The following ACAP1 variants were observed in gnomAD, a reference collection of about 807,000 sequenced individuals.
The protein encoded by ACAP1 is arf-GAP with coiled-coil, ANK repeat and PH domain-containing protein 1.
Under a neutral mutation model 98.8 loss-of-function variants are expected in ACAP1, and 45 were observed. That is an observed-to-expected ratio of 0.46 (90% CI 0.36 to 0.58). ACAP1 has a LOEUF of 0.58. Ranked by LOEUF, ACAP1 falls within the 20% of genes least tolerant of loss-of-function variation. ACAP1 has a pLI of 0.00. For synonymous variants in ACAP1, 362 were observed against 375.3 expected, an observed-to-expected ratio of 0.96 and a Z score of 0.41; for missense variants, 735 against 971.4, an observed-to-expected ratio of 0.76 and a Z score of 3.24.
At chr17:7,345,145 T>G (rs1223607946) in intron 10 of ACAP1, among the ~76,000 whole-genome samples, 1 of 151,676 alleles carries the variant, frequency 6.6e-6, no homozygotes, top group Non-Finnish European at 1.5e-5. Context: ...TTTGTAGGGA[T>G]TTGGGGTCTA....
chr17:7,350,751 CA>C lies in ACAP1; in HGVS notation c.2073-198del. On this transcript the variant is annotated intron_variant, in intron 20 of 21. Coordinates refer to ENST00000158762, the MANE Select transcript of ACAP1 (RefSeq NM_014716.4). This position sits in a 1 kb window ranked among gnomAD's most constrained non-coding sequence, Gnocchi z 4.6. ...AGCCTCCCCTGAGTAGCTGGGACTA[CA>C]GGCGTGCGCCACCACCCCCGGCTAA... The C allele has an allele frequency of 1.9e-6, 1 of 539,626 alleles. No homozygotes were observed. Among genetic ancestry groups the C allele is most frequent in the South Asian group, 2.0e-5 (1 of 50,812 alleles). 33.4% of individuals were successfully genotyped at this position (539,626 alleles called of 1,614,324 possible).
intron 21 of ACAP1, 74 bp downstream of exon 21, chr17:7,351,073 T>G: frequency 4.2e-6 from 6 of 1,418,578 alleles, no homozygotes; most frequent in Non-Finnish European, 6.0e-6. Flanking sequence ...GTGACCTCTC[T>G]CCCTAGTGCC....
chr17:7,344,228 G>A lies in ACAP1; in HGVS notation c.744+105G>A, dbSNP rs1432615086. On this transcript the variant is annotated intron_variant, in intron 9 of 21. Transcript: ENST00000158762. This position sits in a 1 kb window ranked among gnomAD's most constrained non-coding sequence, Gnocchi z 4.9. ...GGAGTTCAAGATTAGCCTAGGCATC[G>A]TAGTGAAACTCCATCTCTACAGAAA... 1.7e-5 allele frequency: 22 copies of A among 1,262,924 alleles called. No individual in the cohort carries two copies. The highest frequency in any genetic ancestry group is 1.0e-4 in the East Asian group (4 of 39,390). The allele number at this position is 1,262,924 out of a possible 1,614,324, so 78.2% of individuals were successfully genotyped here.
Position 7,342,044 on chromosome 17 carries a change from G to C in ACAP1, c.208G>C (p.Gly70Arg). Residue 70 changes from glycine (G) to arginine (R), a missense_variant, in exon 3 of 22, where the codon GGT (glycine) becomes CGT (arginine). Around this residue, in one of 5 missense-constraint regions of ACAP1, gnomAD observed 430 missense variants for 531.8 expected, o/e 0.81. Coordinates refer to ENST00000158762, the MANE Select transcript of ACAP1 (RefSeq NM_014716.4). Reference sequence around the variant, plus strand: ...CGGCATTTGTGACCTGGCCCGCCTGGGTCCACCAGAGCCCATGATGGCGGT... The same window carrying C: ...CGGCATTTGTGACCTGGCCCGCCTGCGTCCACCAGAGCCCATGATGGCGGT... ...VVGICDLARL[G>R]PPEPMMAECL... The C allele has an allele frequency of 6.2e-7, 1 of 1,614,120 alleles. No homozygotes were observed. Among genetic ancestry groups the C allele is most frequent in the Non-Finnish European group, 8.5e-7 (1 of 1,180,022 alleles).
At chr17:7,345,541 T>G (rs1169454812) in intron 10 of ACAP1, 1 of 152,208 alleles carries the variant, frequency 6.6e-6, no homozygotes, top group Non-Finnish European at 1.5e-5. Flanking sequence ...CCAGGCTGGT[T>G]GCAAACTCCT....
rs1036301487 is a variant in ACAP1 at position 7,343,867 on chromosome 17, C to G, written c.580C>G (p.Arg194Gly). ...TGCCCGCCTTGTCCCCCAGGTGCTG[C>G]GTTTGGTGGAGGCCCAGGCTACCCA... ...RKFDIMEFVLRLVEAQATHFQ... is the reference protein window; with the variant it reads ...RKFDIMEFVLGLVEAQATHFQ... Residue 194 changes from arginine to glycine, a missense_variant, in exon 8 of 22, where the codon CGT becomes GGT. By Grantham distance (125) the Arg-to-Gly change is moderately radical. This residue lies in a region of ACAP1 where 430 missense variants were observed against 531.8 expected (regional missense o/e 0.81). Coordinates refer to ENST00000158762, the MANE Select transcript of ACAP1 (RefSeq NM_014716.4). This position sits in a 1 kb window ranked among gnomAD's most constrained non-coding sequence, Gnocchi z 4.9. 1 of 1,613,708 alleles carries G rather than the reference C, an allele frequency of 6.2e-7. No homozygotes were observed. Among genetic ancestry groups the G allele is most frequent in the African/African-American group, 1.3e-5 (1 of 74,854 alleles).
rs2143018625 is a variant in ACAP1 at position 7,350,312 on chromosome 17, G to A, written c.2072+75G>A. ...CGCCCACCCACGTTCGGGCGGGCGGGCGGGGCTGACGCCGAAACAGAAGCC... is the reference window on the plus strand; with the variant it reads ...CGCCCACCCACGTTCGGGCGGGCGGACGGGGCTGACGCCGAAACAGAAGCC... On this transcript the variant is annotated intron_variant, in intron 20 of 21. Coordinates refer to ENST00000158762, the MANE Select transcript of ACAP1 (RefSeq NM_014716.4). This position sits in a 1 kb window ranked among gnomAD's most constrained non-coding sequence, Gnocchi z 4.6. 1 of 1,233,920 alleles carries A rather than the reference G, an allele frequency of 8.1e-7. No homozygotes were observed. Among genetic ancestry groups the A allele is most frequent in the Non-Finnish European group, 1.1e-6 (1 of 872,862 alleles). The allele number at this position is 1,233,920 out of a possible 1,614,324, so 76.4% of individuals were successfully genotyped here.
Position 7,342,442 on chromosome 17 carries a change from A to G in ACAP1, c.312A>G (p.Thr104=). The G allele has an allele frequency of 6.2e-7, 1 of 1,614,114 alleles. No homozygotes were observed. The stretch of plus-strand genomic sequence containing the variant: ...AGCTTCTAGATGCCACCCAACACAC[A>G]CTGCAGCAGCAGATCCAGACCCTGG... ...HAELLDATQH[T]LQQQIQTLVK... is the part of the protein sequence containing the mutation. The change falls in exon 5 of 22, where the codon ACA becomes ACG. Residue 104 remains threonine (T), a synonymous_variant. Coordinates refer to ENST00000158762, the MANE Select transcript of ACAP1 (RefSeq NM_014716.4).
At chr17:7,339,268 C>T (rs1356748234) in intron 2 of ACAP1, among the ~76,000 whole-genome samples, 1 of 148,602 alleles carries the variant, frequency 6.7e-6, no homozygotes, top group African/African-American at 2.5e-5. Flanking sequence ...CCAGCCTGGG[C>T]GACAGAGTGA....
chr17:7,342,504 G>A (rs1344429613), intron 5 of ACAP1, 30 bp downstream of exon 5: 1 of 1,611,636 alleles, frequency 6.2e-7, no homozygotes, highest in South Asian at 1.1e-5. Flanking sequence ...AGTGGCTCAT[G>A]CCTGTAATCC....
chr17:7,347,699 A>G lies in ACAP1; in HGVS notation c.1344-223A>G, dbSNP rs1266002059. The G allele has an allele frequency of 1.2e-5, 7 of 593,332 alleles. No individual in the cohort carries two copies. In the Admixed American group the frequency reaches 1.8e-4, roughly 15 times the overall value. 36.8% of individuals were successfully genotyped at this position (593,332 alleles called of 1,614,324 possible). A position where few individuals can be genotyped will look rare whatever the true frequency, so the allele number is the denominator to read the frequency against. On this transcript the variant is annotated intron_variant, in intron 14 of 21. Coordinates refer to ENST00000158762, the MANE Select transcript of ACAP1 (RefSeq NM_014716.4). ...TGGCTGGAGTGATGAGGGCCTTGAA[A>G]TGAAACCTAAGGAAGAAGGAATGGT...
intron 12 of ACAP1, 56 bp from the exon 13 acceptor site, chr17:7,346,752 C>T: frequency 1.9e-6 from 3 of 1,562,758 alleles, no homozygotes; most frequent in Non-Finnish European, 2.6e-6. Flanking sequence ...CCCATGCTGC[C>T]ACTTTGCTTC....
intron 2 of ACAP1, among the ~76,000 whole-genome samples, chr17:7,340,134 T>C (rs1477354945): frequency 6.6e-6 from 1 of 152,018 alleles, no homozygotes; most frequent in Non-Finnish European, 1.5e-5. Flanking sequence ...TAGCCAGGCA[T>C]GGTGGTGTGT....
At chr17:7,348,526 G>T in intron 17 of ACAP1, 51 bp downstream of exon 17, 2 of 1,438,156 alleles carry the variant, frequency 1.4e-6, no homozygotes, top group Non-Finnish European at 9.1e-7. Flanking sequence ...GCTCGGCATC[G>T]TGCCAGGTAG....
chr17:7,349,490 C>T (rs562050483), intron 18 of ACAP1: 126 of 278,892 alleles, frequency 4.5e-4, no homozygotes, highest in Non-Finnish European at 7.8e-4. Context: ...ATTCTCCTGC[C>T]TCAGCTGCCT....
Position 7,351,418 on chromosome 17 carries a change from C to A in ACAP1, c.*23C>A, listed in dbSNP as rs1157220952. 1 of 1,561,796 alleles carries A rather than the reference C, an allele frequency of 6.4e-7. No homozygotes were observed. The highest frequency in any genetic ancestry group is 1.1e-5 in the South Asian group (1 of 88,702). ...TGACCCGAGGCCCACGGGGCCCGCG[C>A]CTGCCTCCCTTCCCCGCCACCGGGC... On this transcript the variant is annotated 3_prime_UTR_variant, in exon 22 of 22. Transcript: ENST00000158762.
Position 7,350,438 on chromosome 17 carries a change from G to A in ACAP1, c.2072+201G>A. The A allele has an allele frequency of 3.4e-6, 2 of 588,824 alleles. No homozygotes were observed. Among genetic ancestry groups the A allele is most frequent in the South Asian group, 2.0e-5 (1 of 49,818 alleles). The allele number at this position is 588,824 out of a possible 1,614,324, so 36.5% of individuals were successfully genotyped here. On this transcript the variant is annotated intron_variant, in intron 20 of 21. Coordinates refer to ENST00000158762, the MANE Select transcript of ACAP1 (RefSeq NM_014716.4). The surrounding 1 kb of genome is among the most constrained non-coding windows in gnomAD (Gnocchi z 4.6). ...TGGGACGTGGAGTAGAAGGCAGGCG[G>A]GAGGGCGGGCAGGGTGCAAGGATGC... is the stretch of plus-strand genomic sequence containing the variant.
chr17:7,348,445 C>T lies in ACAP1; in HGVS notation c.1648C>T (p.Pro550Ser), dbSNP rs760063972. The T allele has an allele frequency of 2.5e-5, 37 of 1,491,964 alleles. No individual in the cohort carries two copies. The Middle Eastern group carries it at 9.0e-4, about 36-fold the overall frequency. The allele number at this position is 1,491,964 out of a possible 1,614,324, so 92.4% of individuals were successfully genotyped here. ...PPVPPKPSIR[P>S]RPGSLRSKPE... ...TGTGCCCCCAAAGCCTTCCATCAGG[C>T]CCCGGCCAGGGAGCTTGAGATCCAA... The change falls in exon 17 of 22, where the codon CCC becomes TCC. Residue 550 changes from proline to serine, a missense_variant. Physicochemically the swap from Pro to Ser is moderately conservative, Grantham distance 74 (BLOSUM62 -1). This residue lies in a region of ACAP1 where 80 missense variants were observed against 64.4 expected (regional missense o/e 1.24). Coordinates refer to ENST00000158762, the MANE Select transcript of ACAP1 (RefSeq NM_014716.4).
At position 7,343,681 on chromosome 17, in the gene ACAP1, T is replaced by A. The variant is rs1329061485; in HGVS notation, c.529-25T>A. ...TGTCTTCAAGACTGATCTGGGGTTT[T>A]TTACGTCCTCTTTTACGTCCTCAGA... On this transcript the variant is annotated intron_variant, in intron 6 of 21. Coordinates refer to ENST00000158762, the MANE Select transcript of ACAP1 (RefSeq NM_014716.4). The surrounding 1 kb of genome is among the most constrained non-coding windows in gnomAD (Gnocchi z 4.9). 1.9e-6 allele frequency: 3 copies of A among 1,611,436 alleles called. No homozygotes were observed. The highest frequency in any genetic ancestry group is 3.3e-5 in the Admixed American group (2 of 59,824).
Sources: gnomAD v4.1 joint callset for allele counts (sites outside exome capture counted in the v4.1 genomes callset) on GRCh38, gnomAD v4.1.1 for gene constraint, gnomAD v4.1.1 regional missense constraint, Gnocchi (gnomAD v3.1) non-coding constraint, MANE v1.5 for transcripts, NCBI Gene and HGNC (gene_info 2026-07-23, HGNC 2026-07-21) for gene names.